HFE: variants seen among roughly 807,000 people sequenced by gnomAD.
The protein encoded by HFE is homeostatic iron regulator.
In HFE, 36 loss-of-function variants were observed where a neutral mutation model predicts 40.9. The observed-to-expected ratio is 0.88, with a 90% CI of 0.67 to 1.16. HFE has a LOEUF of 1.16. Ranked by LOEUF, HFE falls within the 50% of genes most tolerant of loss-of-function variation. HFE has a pLI of 0.00. For missense variants in HFE, 376 were observed against 432.0 expected (o/e 0.87, Z 1.15); for synonymous variants, 157 against 165.4 (o/e 0.95, Z 0.39).
At chr6:26,089,104 T>G (rs1467323963) in intron 1 of HFE, among the ~76,000 whole-genome samples, 3 of 17,664 alleles carry the variant, frequency 1.7e-4, no homozygotes, top group African/African-American at 4.2e-4. Flanking sequence ...CATGTGTGTG[T>G]GTGTGGGGGG....
chr6:26,093,101 T>A lies in HFE; in HGVS notation c.893-18T>A. 6.2e-7 allele frequency: 1 copy of A among 1,613,716 alleles called. No homozygotes were observed. The highest frequency in any genetic ancestry group is 8.5e-7 in the Non-Finnish European group (1 of 1,179,618). ...GAGGGTGGCAATCAAAGGCTTTAACTTGCTTTTTCTGTTTTAGAGCCCTCA... is the reference window on the plus strand; with the variant it reads ...GAGGGTGGCAATCAAAGGCTTTAACATGCTTTTTCTGTTTTAGAGCCCTCA... On this transcript the variant is annotated intron_variant, in intron 4 of 5. Transcript: ENST00000357618.
intron 5 of HFE, 52 bp downstream of exon 5, chr6:26,093,284 T>G (rs747805019): frequency 7.8e-7 from 1 of 1,279,128 alleles, no homozygotes; most frequent in Non-Finnish European, 1.1e-6. Context: ...CAGGGCACAG[T>G]GGGAAGAGGG....
At position 26,096,470 on chromosome 6, in the gene HFE, G is replaced by A; in HGVS notation, c.*2244G>A. On this transcript the variant is annotated 3_prime_UTR_variant, in exon 6 of 6. Coordinates refer to ENST00000357618, the MANE Select transcript of HFE (RefSeq NM_000410.4). The stretch of plus-strand genomic sequence containing the variant: ...CTTAATATATATATCCAGATGGCAT[G>A]TGTTTACTTTATGTTACTACATGCA... The A allele has an allele frequency of 4.4e-6, 2 of 456,378 alleles. No individual in the cohort carries two copies. The highest frequency in any genetic ancestry group is 8.8e-6 in the Non-Finnish European group (2 of 226,804). The allele number at this position is 456,378 out of a possible 1,614,324, so 28.3% of individuals were successfully genotyped here.
chr6:26,090,739 A>G (rs570212174), intron 1 of HFE, 102 bp from the exon 2 acceptor site: 1 of 1,228,012 alleles, frequency 8.1e-7, no homozygotes, highest in Non-Finnish European at 1.2e-6. Context: ...CAAAATGAGG[A>G]CCAGACACAG....
In HFE at chr6:26,096,003, A is replaced by G. The variant is rs971947156; in HGVS notation, c.*1777A>G. 1 of 153,830 alleles carries G rather than the reference A, an allele frequency of 6.5e-6. No homozygotes were observed. Among genetic ancestry groups the G allele is most frequent in the African/African-American group, 2.4e-5 (1 of 41,412 alleles). The allele number at this position is 153,830 out of a possible 1,614,324, so 9.5% of individuals were successfully genotyped here. A position where few individuals can be genotyped will look rare whatever the true frequency, so the allele number is the denominator to read the frequency against. On this transcript the variant is annotated 3_prime_UTR_variant, in exon 6 of 6. Coordinates refer to ENST00000357618, the MANE Select transcript of HFE (RefSeq NM_000410.4). ...AGCTCTCTCATTTTGAGATGGTATA[A>G]TGGAAGCCACCAAGTGGCTTAGAGG...
At chr6:26,091,207 G>C in intron 2 of HFE, 103 bp downstream of exon 2, 2 of 1,601,898 alleles carry the variant, frequency 1.2e-6, no homozygotes, top group Non-Finnish European at 1.7e-6. Flanking sequence ...TGTGGGAGCA[G>C]GGAAGAGGGA....
At position 26,096,732 on chromosome 6, in the gene HFE, T is replaced by C. The variant is rs1350005721; in HGVS notation, c.*2506T>C. The C allele has an allele frequency of 2.7e-6, 1 of 375,776 alleles. No individual in the cohort carries two copies. The highest frequency in any genetic ancestry group is 2.1e-5 in the South Asian group (1 of 48,780). The allele number at this position is 375,776 out of a possible 1,614,324, so 23.3% of individuals were successfully genotyped here. A position where few individuals can be genotyped will look rare whatever the true frequency, so the allele number is the denominator to read the frequency against. On this transcript the variant is annotated 3_prime_UTR_variant, in exon 6 of 6. Coordinates refer to ENST00000357618, the MANE Select transcript of HFE (RefSeq NM_000410.4). ...GAATACAATTAAAGCTGTTATTTAA[T>C]TAGCCAGTGAAAAACTATTAACAAC... is the stretch of plus-strand genomic sequence containing the variant.
intron 2 of HFE, 82 bp downstream of exon 2, chr6:26,091,186 G>A: frequency 6.2e-7 from 1 of 1,605,654 alleles, no homozygotes. Context: ...ACAGCTGGAA[G>A]TCTGAGGTCT....
chr6:26,093,142 G>A lies in HFE; in HGVS notation c.916G>A (p.Val306Ile). 1 of 1,614,142 alleles carries A rather than the reference G, an allele frequency of 6.2e-7. No homozygotes were observed. Among genetic ancestry groups the A allele is most frequent in the South Asian group, 1.1e-5 (1 of 91,086 alleles). Residue 306 changes from valine to isoleucine, a missense_variant, in exon 5 of 6, where the codon GTC (valine) becomes ATC (isoleucine). By Grantham distance (29) the Val-to-Ile change is conservative (BLOSUM62 3). Coordinates refer to ENST00000357618, the MANE Select transcript of HFE (RefSeq NM_000410.4). ...IWEPSPSGTL[V>I]IGVISGIAVF... ...AGAGCCCTCACCGTCTGGCACCCTA[G>A]TCATTGGAGTCATCAGTGGAATTGC...
chr6:26,090,946 A>G lies in HFE; in HGVS notation c.182A>G (p.Tyr61Cys), dbSNP rs1684658845. Residue 61 changes from tyrosine (Y) to cysteine (C), a missense_variant, in exon 2 of 6, where the codon TAT becomes TGT. Tyr to Cys is a radical substitution (Grantham distance 194). This residue lies in a region of HFE where 200 missense variants were observed against 228.5 expected (regional missense o/e 0.88). Coordinates refer to ENST00000357618, the MANE Select transcript of HFE (RefSeq NM_000410.4). ...GYVDDQLFVF[Y>C]DHESRRVEPR... ...GTGGATGACCAGCTGTTCGTGTTCTATGATCATGAGAGTCGCCGTGTGGAG... is the reference window on the plus strand; with the variant it reads ...GTGGATGACCAGCTGTTCGTGTTCTGTGATCATGAGAGTCGCCGTGTGGAG... 3 of 1,614,106 alleles carry G rather than the reference A, an allele frequency of 1.9e-6. No individual in the cohort carries two copies. Among genetic ancestry groups the G allele is most frequent in the Non-Finnish European group, 2.5e-6 (3 of 1,180,022 alleles).
At chr6:26,092,173 T>TA (rs34225963) in intron 3 of HFE, among the ~76,000 whole-genome samples, 2,707 of 98,630 alleles carry the variant, frequency 0.027, 56 homozygotes, top group Non-Finnish European at 0.038. Flanking sequence ...GACTCCATCT[T>TA]AAAAAAAAAA....
intron 1 of HFE, among the ~76,000 whole-genome samples, chr6:26,090,045 A>T (rs1023952980): frequency 1.3e-4 from 20 of 152,156 alleles, no homozygotes; most frequent in Non-Finnish European, 7.4e-5. Flanking sequence ...AGGCAGAGGA[A>T]AGAGCAGTTT....
rs62625352 is a variant in HFE at position 26,094,759 on chromosome 6, C to T, written c.*533C>T. 2.5e-6 allele frequency: 1 copy of T among 403,974 alleles called. No individual in the cohort carries two copies. The allele number at this position is 403,974 out of a possible 1,614,324, so 25.0% of individuals were successfully genotyped here. A position where few individuals can be genotyped will look rare whatever the true frequency, so the allele number is the denominator to read the frequency against. Reference sequence around the variant, plus strand: ...CTGTCACCAAGCCTTGGGGATTCTTCCATCTGATTGTGATGTGAGTTGCAC... The same window carrying T: ...CTGTCACCAAGCCTTGGGGATTCTTTCATCTGATTGTGATGTGAGTTGCAC... On this transcript the variant is annotated 3_prime_UTR_variant, in exon 6 of 6. Coordinates refer to ENST00000357618, the MANE Select transcript of HFE (RefSeq NM_000410.4).
At chr6:26,092,173 T>TAAA (rs34225963) in intron 3 of HFE, among the ~76,000 whole-genome samples, 6 of 98,710 alleles carry the variant, frequency 6.1e-5, no homozygotes, top group Non-Finnish European at 5.8e-5. Flanking sequence ...GACTCCATCT[T>TAAA]AAAAAAAAAA....
At chr6:26,089,108 T>TGGGG (rs60292295) in intron 1 of HFE, among the ~76,000 whole-genome samples, 2 of 56,360 alleles carry the variant, frequency 3.5e-5, no homozygotes, top group Non-Finnish European at 3.3e-5. Flanking sequence ...TGTGTGTGTG[T>TGGGG]GGGGGGGGGG....
At chr6:26,092,640 G>C in intron 3 of HFE, 45 bp from the exon 4 acceptor site, 1 of 1,614,078 alleles carries the variant, frequency 6.2e-7, no homozygotes, top group African/African-American at 1.3e-5. Flanking sequence ...TTCCTGGCAA[G>C]GGTAAACAGA....
chr6:26,096,224 C>T lies in HFE; in HGVS notation c.*1998C>T, dbSNP rs191469608. 3.8e-6 allele frequency: 1 copy of T among 263,184 alleles called. No homozygotes were observed. Among genetic ancestry groups the T allele is most frequent in the Admixed American group, 5.1e-5 (1 of 19,606 alleles). The allele number at this position is 263,184 out of a possible 1,614,324, so 16.3% of individuals were successfully genotyped here. ...TCTCGGCTCACTGTAACCTCTGCCT[C>T]CCAGGTTCAAGCGATTCTCCTGTCT... On this transcript the variant is annotated 3_prime_UTR_variant, in exon 6 of 6. Coordinates refer to ENST00000357618, the MANE Select transcript of HFE (RefSeq NM_000410.4).
At chr6:26,089,106 T>TGGGGGGGGGGGGGGG (rs576461485) in intron 1 of HFE, among the ~76,000 whole-genome samples, 1 of 5,866 alleles carries the variant, frequency 1.7e-4, no homozygotes, top group African/African-American at 5.4e-4. Flanking sequence ...TGTGTGTGTG[T>TGGGGGGGGGGGGGGG]GTGGGGGGGG....
In HFE at chr6:26,096,748, T is replaced by C. The variant is rs919860076; in HGVS notation, c.*2522T>C. 2 of 370,956 alleles carry C rather than the reference T, an allele frequency of 5.4e-6. No individual in the cohort carries two copies. The highest frequency in any genetic ancestry group is 2.1e-5 in the African/African-American group (1 of 47,000). 23.0% of individuals were successfully genotyped at this position (370,956 alleles called of 1,614,324 possible). ...GTTATTTAATTAGCCAGTGAAAAAC[T>C]ATTAACAACTTGTCTATTACCTGTT... On this transcript the variant is annotated 3_prime_UTR_variant, in exon 6 of 6. Coordinates refer to ENST00000357618, the MANE Select transcript of HFE (RefSeq NM_000410.4).
Sources: allele counts gnomAD v4.1 joint callset (sites outside exome capture counted in the v4.1 genomes callset), GRCh38; gene constraint gnomAD v4.1.1; regional missense constraint gnomAD v4.1.1; transcripts MANE v1.5; gene names NCBI Gene and HGNC (gene_info 2026-07-23, HGNC 2026-07-21).